The following ARHGEF7 variants were observed in gnomAD, a reference collection of about 807,000 sequenced individuals.
The protein encoded by ARHGEF7 is Rho guanine nucleotide exchange factor 7.
Under a neutral mutation model 109.8 loss-of-function variants are expected in ARHGEF7, and 33 were observed. The ratio of observed to expected loss-of-function variants is 0.30; its 90% CI spans 0.23 to 0.40. The LOEUF (loss-of-function observed/expected upper bound fraction) is 0.40. Ranked by LOEUF, ARHGEF7 falls within the 10% of genes least tolerant of loss-of-function variation. ARHGEF7 has a pLI of 1.00. For missense variants in ARHGEF7, 938 were observed against 1,098.5 expected (o/e 0.85, Z 2.07); for synonymous variants, 458 against 424.6 (o/e 1.08, Z -0.97).
chr13:111,154,562 T>C (rs2076155378), intron 2 of ARHGEF7, among the ~76,000 whole-genome samples: 1 of 152,168 alleles, frequency 6.6e-6, no homozygotes. Flanking sequence ...GTCCAGAGAA[T>C]TCACATTAAC....
chr13:111,141,394 T>G (rs2075341093), intron 1 of ARHGEF7, among the ~76,000 whole-genome samples: 1 of 151,956 alleles, frequency 6.6e-6, no homozygotes, highest in Admixed American at 6.6e-5. Flanking sequence ...TGGTTTATTA[T>G]AAGAATATTG....
chr13:111,295,041 A>G (rs1567121111), intron 19 of ARHGEF7: 2 of 985,864 alleles, frequency 2.0e-6, no homozygotes, highest in African/African-American at 1.7e-5. Context: ...GGTGACTACC[A>G]TTTGAAAAAC....
intron 8 of ARHGEF7, among the ~76,000 whole-genome samples, chr13:111,247,386 A>C (rs945566865): frequency 1.3e-5 from 2 of 151,832 alleles, no homozygotes; most frequent in Non-Finnish European, 2.9e-5. Flanking sequence ...CTCCTGCCTC[A>C]GCCTCCCGAG....
chr13:111,204,819 C>G (rs2081592046), intron 2 of ARHGEF7, among the ~76,000 whole-genome samples: 1 of 152,226 alleles, frequency 6.6e-6, no homozygotes, highest in Non-Finnish European at 1.5e-5. Context: ...ACTCTGCTCT[C>G]TGATGTCCGC....
chr13:111,129,859 C>T (rs569960822), intron 1 of ARHGEF7, among the ~76,000 whole-genome samples: 8 of 152,334 alleles, frequency 5.3e-5, no homozygotes, highest in African/African-American at 1.7e-4. Flanking sequence ...AATGTTTCAG[C>T]TATTCTACTT....
chr13:111,298,041 G>T (rs1371046221), intron 19 of ARHGEF7, among the ~76,000 whole-genome samples: 1 of 152,188 alleles, frequency 6.6e-6, no homozygotes, highest in Non-Finnish European at 1.5e-5. Context: ...CAACTGTCTG[G>T]GCTCAAAGCA....
intron 9 of ARHGEF7, 122 bp downstream of exon 9, chr13:111,267,792 C>A: frequency 8.1e-7 from 1 of 1,241,308 alleles, no homozygotes. Flanking sequence ...TTTTAATTAC[C>A]CCTCAAAATT....
rs78880797 is a variant in ARHGEF7 at position 111,276,339 on chromosome 13, G to A, written c.1419+661G>A. Among the ~76,000 whole-genome samples, 395 of 152,262 alleles carry A rather than the reference G, an allele frequency of 2.6e-3. 2 individuals are homozygous for A. The highest frequency in any genetic ancestry group is 4.4e-3 in the Non-Finnish European group (301 of 68,012). ...TCATTTTTGAACACAAGACTCCAAG[G>A]AGAATAAGAAAACTAAAACTTCAAA... On this transcript the variant is annotated intron_variant, in intron 12 of 21. Transcript: ENST00000646102.
chr13:111,160,845 G>A (rs1275121143), intron 2 of ARHGEF7, among the ~76,000 whole-genome samples: 1 of 152,072 alleles, frequency 6.6e-6, no homozygotes, highest in African/African-American at 2.4e-5. Flanking sequence ...GGTGCTTTTC[G>A]CCATGATTGT....
intron 1 of ARHGEF7, among the ~76,000 whole-genome samples, chr13:111,120,429 A>C (rs2067108338): frequency 6.6e-6 from 1 of 152,208 alleles, no homozygotes; most frequent in Non-Finnish European, 1.5e-5. Context: ...ACACGCATGC[A>C]TGCCTGCACA....
At chr13:111,125,875 A>C (rs1293220449) in intron 1 of ARHGEF7, among the ~76,000 whole-genome samples, 4 of 152,252 alleles carry the variant, frequency 2.6e-5, no homozygotes, top group African/African-American at 9.6e-5. Flanking sequence ...TGGCTTTGTC[A>C]TTCACTTTAA....
At position 111,228,740 on chromosome 13, in the gene ARHGEF7, G is replaced by A. The variant is rs1765536916; in HGVS notation, c.671-4465G>A. On this transcript the variant is annotated intron_variant, in intron 5 of 21. Transcript: ENST00000646102. The surrounding 1 kb of genome is among the most constrained non-coding windows in gnomAD (Gnocchi z 4.6). ...GCACGGGCAGACACACACAGACATT[G>A]ACTCTGTGAACTCTGAGTGCGTGAG... 6.6e-6 allele frequency among the ~76,000 whole-genome samples: 1 copy of A among 152,028 alleles called. No homozygotes were observed. Among genetic ancestry groups the A allele is most frequent in the African/African-American group, 2.4e-5 (1 of 41,402 alleles).
Position 111,300,902 on chromosome 13 carries a change from T to G in ARHGEF7, c.2411+55T>G, listed in dbSNP as rs2093550406. On this transcript the variant is annotated intron_variant, in intron 20 of 21. Transcript: ENST00000646102. ...ATGTTTGACCTCTGCGGTGGGGTAG[T>G]AGAGTCCAGACAACTCCCTGAGGGC... 64 of 1,218,314 alleles carry G rather than the reference T, an allele frequency of 5.3e-5. 2 individuals are homozygous for G. In the South Asian group the frequency reaches 8.4e-4, roughly 16 times the overall value. The allele number at this position is 1,218,314 out of a possible 1,614,324, so 75.5% of individuals were successfully genotyped here.
intron 9 of ARHGEF7, among the ~76,000 whole-genome samples, chr13:111,269,265 T>A (rs555366575): frequency 3.5e-4 from 54 of 152,310 alleles, no homozygotes; most frequent in African/African-American, 1.2e-3. Context: ...GAAAGCGCAA[T>A]GCAAGTGTTA....
intron 3 of ARHGEF7, among the ~76,000 whole-genome samples, chr13:111,206,320 T>A (rs912698366): frequency 1.3e-5 from 2 of 151,992 alleles, no homozygotes; most frequent in African/African-American, 4.8e-5. Flanking sequence ...TCCCGGAGGC[T>A]TCATCGGTGG....
intron 2 of ARHGEF7, among the ~76,000 whole-genome samples, chr13:111,196,938 C>T (rs1019611432): frequency 6.6e-6 from 1 of 152,110 alleles, no homozygotes; most frequent in African/African-American, 2.4e-5. Context: ...ATACTGGGGC[C>T]AAGCCATAGT....
At chr13:111,139,579 C>G (rs1178199769) in intron 1 of ARHGEF7, among the ~76,000 whole-genome samples, 1 of 149,628 alleles carries the variant, frequency 6.7e-6, no homozygotes, top group Non-Finnish European at 1.5e-5. Flanking sequence ...CTGCGTGGAG[C>G]ACTGGCGGGT....
At chr13:111,159,710 T>G (rs1313831921) in intron 2 of ARHGEF7, among the ~76,000 whole-genome samples, 2 of 152,256 alleles carry the variant, frequency 1.3e-5, no homozygotes, top group African/African-American at 4.8e-5. Flanking sequence ...GCTCATCATT[T>G]TTTAATCAGG....
rs1567075609 is a variant in ARHGEF7, at chr13:111,283,235, C to G, written c.1822C>G (p.His608Asp). The G allele has an allele frequency of 6.3e-7, 1 of 1,589,512 alleles. No homozygotes were observed. Among genetic ancestry groups the G allele is most frequent in the Non-Finnish European group, 8.5e-7 (1 of 1,170,098 alleles). The change falls in exon 16 of 22, where the codon CAC (histidine) becomes GAC (aspartate). Residue 608 changes from histidine to aspartate, a missense_variant. This residue lies in a region of ARHGEF7 where 585 missense variants were observed against 723.6 expected (regional missense o/e 0.81). Coordinates refer to ENST00000646102, the MANE Select transcript of ARHGEF7 (RefSeq NM_001354046.2). ...CCACACGCTGCCCCACCCCTCCCAC[C>G]ACGGCACCCCGCACACCACCATCAA... The part of the protein sequence containing the change: ...AYHTLPHPSH[H>D]GTPHTTINWG...
Sources: allele counts gnomAD v4.1 joint callset (sites outside exome capture counted in the v4.1 genomes callset), GRCh38; gene constraint gnomAD v4.1.1; regional missense constraint gnomAD v4.1.1; non-coding constraint Gnocchi (gnomAD v3.1); transcripts MANE v1.5; gene names NCBI Gene and HGNC (gene_info 2026-07-23, HGNC 2026-07-21).